UBE2K: variants seen among roughly 807,000 people sequenced by gnomAD.
UBE2K encodes the protein ubiquitin conjugating enzyme E2 K.
Under a neutral mutation model 30.0 loss-of-function variants are expected in UBE2K, and 6 were observed. That is an observed-to-expected ratio of 0.20 (90% CI 0.11 to 0.39). The LOEUF (loss-of-function observed/expected upper bound fraction) is 0.39. UBE2K is among the 10% of genes least tolerant of loss of function. The pLI, the probability that UBE2K is intolerant of heterozygous loss-of-function variation, is 1.00. For missense variants in UBE2K, 61 were observed against 241.6 expected (o/e 0.25, Z 4.96); for synonymous variants, 86 against 83.7 (o/e 1.03, Z -0.15).
chr4:39,700,754 T>G (rs887448854), intron 1 of UBE2K, among the ~76,000 whole-genome samples: 1 of 151,734 alleles, frequency 6.6e-6, no homozygotes, highest in Non-Finnish European at 1.5e-5. Flanking sequence ...CTAAGAACAC[T>G]GGTTGATTTA....
chr4:39,769,994 C>A (rs1712658809), intron 4 of UBE2K: 1 of 1,068,636 alleles, frequency 9.4e-7, no homozygotes, highest in South Asian at 1.5e-5. Flanking sequence ...TGCCCCAGAC[C>A]CCCCACCCAC....
chr4:39,713,285 A>ATTTTTTTTTTT, intron 1 of UBE2K, among the ~76,000 whole-genome samples: 1 of 39,352 alleles, frequency 2.5e-5, no homozygotes, highest in African/African-American at 1.5e-4. Context: ...TTCTGTAGGA[A>ATTTTTTTTTTT]ATTTTTTTTT....
chr4:39,717,063 A>G (rs1719108964), intron 1 of UBE2K, among the ~76,000 whole-genome samples: 1 of 149,644 alleles, frequency 6.7e-6, no homozygotes, highest in Non-Finnish European at 1.5e-5. Flanking sequence ...ACTACTCTGG[A>G]TGCTGAGGCG....
chr4:39,703,380 G>A (rs2109302236), intron 1 of UBE2K, among the ~76,000 whole-genome samples: 1 of 152,152 alleles, frequency 6.6e-6, no homozygotes, highest in South Asian at 2.1e-4. Context: ...CAGGCCTGGT[G>A]GTATGTGCCT....
intron 4 of UBE2K, among the ~76,000 whole-genome samples, chr4:39,760,176 C>T (rs79636040): frequency 7.8e-5 from 6 of 77,170 alleles, no homozygotes; most frequent in East Asian, 3.5e-4. Flanking sequence ...GACTCTGTCA[C>T]AAAAAAAAAA....
intron 1 of UBE2K, among the ~76,000 whole-genome samples, chr4:39,728,347 C>G (rs572006395): frequency 6.6e-6 from 1 of 152,134 alleles, no homozygotes; most frequent in Non-Finnish European, 1.5e-5. Context: ...TGGTGGTTTA[C>G]GCCTCTAATC....
At chr4:39,740,862 CAAAAAAAAAAAA>C in intron 2 of UBE2K, among the ~76,000 whole-genome samples, 1 of 69,806 alleles carries the variant, frequency 1.4e-5, no homozygotes, top group Middle Eastern at 9.1e-3. Context: ...GACTCCGTCT[CAAAAAAAAAAAA>C]AAAAAAAAGA....
At chr4:39,775,947 T>C (rs1263884396) in intron 5 of UBE2K, among the ~76,000 whole-genome samples, 4 of 152,170 alleles carry the variant, frequency 2.6e-5, no homozygotes, top group Middle Eastern at 3.2e-3. Flanking sequence ...GTTCCTCAGT[T>C]CTGACCTTGT....
Position 39,765,636 on chromosome 4 carries a change from A to G in UBE2K, c.300-9198A>G, listed in dbSNP as rs1232878941. Among the ~76,000 whole-genome samples, 11 of 150,332 alleles carry G rather than the reference A, an allele frequency of 7.3e-5. No homozygotes were observed. In the East Asian group the frequency reaches 2.2e-3, roughly 30 times the overall value. On this transcript the variant is annotated intron_variant, in intron 4 of 6. Coordinates refer to ENST00000261427, the MANE Select transcript of UBE2K (RefSeq NM_005339.5). ...GGAGTTCCAGACCAGCCTGACCAAT[A>G]TGGTGAAATCCTGTCTTTACCAAAA...
intron 1 of UBE2K, among the ~76,000 whole-genome samples, chr4:39,707,403 CTAGCCAGGCTGGT>C (rs1718427964): frequency 6.6e-6 from 1 of 151,124 alleles, no homozygotes; most frequent in Non-Finnish European, 1.5e-5. Context: ...GATGGGGTTT[CTAGCCAGGCTGGT>C]CTCGAACTTC....
intron 1 of UBE2K, among the ~76,000 whole-genome samples, chr4:39,721,815 A>C (rs571144746): frequency 6.6e-6 from 1 of 152,078 alleles, no homozygotes; most frequent in Non-Finnish European, 1.5e-5. Context: ...TTGGTTGGGC[A>C]TGGTGGCTCA....
intron 4 of UBE2K, among the ~76,000 whole-genome samples, chr4:39,768,083 T>G (rs1712464616): frequency 6.6e-6 from 1 of 152,122 alleles, no homozygotes; most frequent in Non-Finnish European, 1.5e-5. Context: ...TTAAACATTC[T>G]CTTTGAAATT....
intron 1 of UBE2K, 104 bp downstream of exon 1, chr4:39,698,494 C>A (rs1403655291): frequency 9.4e-7 from 1 of 1,065,062 alleles, no homozygotes; most frequent in Non-Finnish European, 1.4e-6. Context: ...GTCCTCCTTG[C>A]GGCCGCCCTT....
chr4:39,765,385 ATGGTGGCGTG>A (rs1267387003), intron 4 of UBE2K, among the ~76,000 whole-genome samples: 2 of 151,942 alleles, frequency 1.3e-5, no homozygotes, highest in African/African-American at 2.4e-5. Context: ...TTAGCCAGGC[ATGGTGGCGTG>A]AGTCTGTAGT....
chr4:39,739,792 T>G (rs1720595932), intron 2 of UBE2K, among the ~76,000 whole-genome samples: 1 of 152,216 alleles, frequency 6.6e-6, no homozygotes, highest in Non-Finnish European at 1.5e-5. Flanking sequence ...TCTTGCCAAG[T>G]TACCGAGGCT....
chr4:39,752,391 C>T (rs1051207001), intron 3 of UBE2K, among the ~76,000 whole-genome samples: 1 of 132,050 alleles, frequency 7.6e-6, no homozygotes, highest in Non-Finnish European at 1.5e-5. Flanking sequence ...GGCTGGAGTG[C>T]AGTGGCACAA....
chr4:39,708,661 C>A (rs766003007), intron 1 of UBE2K, among the ~76,000 whole-genome samples: 17 of 151,936 alleles, frequency 1.1e-4, no homozygotes, highest in Non-Finnish European at 2.2e-4. Flanking sequence ...AGAAAATGTG[C>A]CAAAATGTAT....
chr4:39,731,340 C>T (rs1720064007), intron 1 of UBE2K, among the ~76,000 whole-genome samples: 1 of 152,126 alleles, frequency 6.6e-6, no homozygotes, highest in South Asian at 2.1e-4. Flanking sequence ...TCATTATTCT[C>T]CCAATCCCTT....
intron 3 of UBE2K, among the ~76,000 whole-genome samples, chr4:39,749,056 AATT>A (rs1721125380): frequency 6.6e-6 from 1 of 152,152 alleles, no homozygotes; most frequent in Non-Finnish European, 1.5e-5. Context: ...TATGAGGTAA[AATT>A]ATCAAGGTAG....
Sources: allele counts gnomAD v4.1 joint callset (sites outside exome capture counted in the v4.1 genomes callset), GRCh38; gene constraint gnomAD v4.1.1; transcripts MANE v1.5; gene names NCBI Gene and HGNC (gene_info 2026-07-23, HGNC 2026-07-21).